Variants in TMTC1 observed in about 807,000 individuals in gnomAD.
TMTC1 encodes transmembrane O-mannosyltransferase targeting cadherins 1, also known as protein O-mannosyl-transferase TMTC1.
Under a neutral mutation model 104.8 loss-of-function variants are expected in TMTC1, and 73 were observed. The ratio of observed to expected loss-of-function variants is 0.70; its 90% CI spans 0.58 to 0.85. TMTC1 has a LOEUF of 0.85. Ranked by LOEUF, TMTC1 falls within the 40% of genes least tolerant of loss-of-function variation. TMTC1 has a pLI of 0.00. For synonymous variants in TMTC1, 434 were observed against 428.7 expected, an observed-to-expected ratio of 1.01 and a Z score of -0.15; for missense variants, 1,035 against 1,096.1, an observed-to-expected ratio of 0.94 and a Z score of 0.79.
intron 5 of TMTC1, among the ~76,000 whole-genome samples, chr12:29,643,955 TTATA>T (rs1401748390): frequency 5.3e-5 from 6 of 113,212 alleles, no homozygotes; most frequent in Non-Finnish European, 8.4e-5. Context: ...AAATATATAT[TTATA>T]TATACTTACA....
At chr12:29,727,580 G>A (rs1176442293) in intron 5 of TMTC1, among the ~76,000 whole-genome samples, 1 of 151,974 alleles carries the variant, frequency 6.6e-6, no homozygotes, top group Non-Finnish European at 1.5e-5. Context: ...TTTTCACTGT[G>A]TTAACCAGGA....
chr12:29,747,382 A>G (rs1167888381), intron 5 of TMTC1, among the ~76,000 whole-genome samples: 1 of 152,192 alleles, frequency 6.6e-6, no homozygotes, highest in Non-Finnish European at 1.5e-5. Context: ...TAGGCTTTTC[A>G]TTATACTTTC....
rs186441745 is a variant in TMTC1 at position 29,501,153 on chromosome 12, C to A, written c.*5693G>T. 3 of 152,276 alleles carry A rather than the reference C, an allele frequency of 2.0e-5. No homozygotes were observed. In the East Asian group the frequency reaches 5.8e-4, roughly 29 times the overall value. The allele number at this position is 152,276 out of a possible 1,614,324, so 9.4% of individuals were successfully genotyped here. On this transcript the variant is annotated 3_prime_UTR_variant, in exon 18 of 18. Transcript: ENST00000539277. Reference sequence around the variant, plus strand: ...CATGGCTTCTACAGATATTTTAATTCCTTGGGAGGAAGTTTCACCTCATCT... The same window carrying A: ...CATGGCTTCTACAGATATTTTAATTACTTGGGAGGAAGTTTCACCTCATCT...
chr12:29,512,112 T>G lies in TMTC1; in HGVS notation c.2439A>C (p.Arg813Ser). 6.2e-7 allele frequency: 1 copy of G among 1,610,772 alleles called. No individual in the cohort carries two copies. Among genetic ancestry groups the G allele is most frequent in the Non-Finnish European group, 8.5e-7 (1 of 1,178,820 alleles). ...GGTCTGGGTTTAGTTGCACAGCCAC[T>G]CTATAGCTCTAAATAAATAAGAAAT... Reference protein sequence around the residue: ...NLLDKAFESYRVAVQLNPDQA... With the variant: ...NLLDKAFESYSVAVQLNPDQA... The change falls in exon 17 of 18, where the codon AGA (arginine) becomes AGC (serine). Residue 813 changes from arginine to serine, a missense_variant. Coordinates refer to ENST00000539277, the MANE Select transcript of TMTC1 (RefSeq NM_001193451.2).
chr12:29,539,779 A>G (rs1421640842), intron 10 of TMTC1, among the ~76,000 whole-genome samples: 1 of 152,236 alleles, frequency 6.6e-6, no homozygotes, highest in South Asian at 2.1e-4. Context: ...AATCATGGAT[A>G]GACTCCAACC....
intron 9 of TMTC1, among the ~76,000 whole-genome samples, chr12:29,558,929 C>T (rs117916685): frequency 5.9e-5 from 9 of 152,312 alleles, no homozygotes; most frequent in Admixed American, 1.3e-4. Context: ...CTAAGAATTA[C>T]TTTGGAAGTG....
intron 6 of TMTC1, among the ~76,000 whole-genome samples, chr12:29,629,249 A>G (rs1346737343): frequency 6.6e-6 from 1 of 151,290 alleles, no homozygotes; most frequent in Admixed American, 6.6e-5. Context: ...TGAACCCGGG[A>G]GGTGGAGTTT....
chr12:29,646,571 T>A (rs960737658), intron 5 of TMTC1, among the ~76,000 whole-genome samples: 1 of 152,162 alleles, frequency 6.6e-6, no homozygotes, highest in African/African-American at 2.4e-5. Flanking sequence ...CCAGGTAAAA[T>A]TGCTACTGCC....
intron 6 of TMTC1, among the ~76,000 whole-genome samples, chr12:29,610,160 G>A (rs1169487845): frequency 5.9e-5 from 9 of 152,158 alleles, no homozygotes; most frequent in African/African-American, 9.7e-5. Context: ...ATTGACCAGC[G>A]AGTGAAAACA....
At chr12:29,644,195 AATTTATGGC>A (rs1488173636) in intron 5 of TMTC1, among the ~76,000 whole-genome samples, 1 of 144,390 alleles carries the variant, frequency 6.9e-6, no homozygotes, top group Non-Finnish European at 1.5e-5. Flanking sequence ...AAAAGGAATG[AATTTATGGC>A]ATTTGCAGTG....
intron 5 of TMTC1, among the ~76,000 whole-genome samples, chr12:29,714,774 A>C (rs1942031791): frequency 6.6e-6 from 1 of 152,186 alleles, no homozygotes; most frequent in Admixed American, 6.5e-5. Flanking sequence ...GCTGGGCATG[A>C]TATGTCCCTG....
intron 7 of TMTC1, among the ~76,000 whole-genome samples, chr12:29,598,415 T>A (rs1966531): frequency 0.1 from 15,356 of 152,200 alleles, 874 homozygotes; most frequent in Middle Eastern, 0.2. Context: ...CCATTTTGAA[T>A]TGAGAGGTAT....
chr12:29,514,455 T>C (rs1334950159), intron 16 of TMTC1, 27 bp downstream of exon 16: 4 of 1,590,054 alleles, frequency 2.5e-6, no homozygotes, highest in Non-Finnish European at 2.6e-6. Flanking sequence ...GTGAATTTGA[T>C]GATATAATTT....
intron 11 of TMTC1, among the ~76,000 whole-genome samples, chr12:29,523,178 T>G (rs1944231469): frequency 6.6e-6 from 1 of 152,160 alleles, no homozygotes; most frequent in Non-Finnish European, 1.5e-5. Context: ...CGAACACCAT[T>G]GTTAAAAGAA....
chr12:29,696,000 T>C (rs1463957475), intron 5 of TMTC1, among the ~76,000 whole-genome samples: 1 of 151,920 alleles, frequency 6.6e-6, no homozygotes, highest in Non-Finnish European at 1.5e-5. Flanking sequence ...ATTTTTCTCT[T>C]GATGGATGGC....
At chr12:29,733,625 T>A (rs572715100) in intron 5 of TMTC1, among the ~76,000 whole-genome samples, 2 of 152,202 alleles carry the variant, frequency 1.3e-5, no homozygotes, top group Non-Finnish European at 2.9e-5. Flanking sequence ...CAGCTTTTGA[T>A]AAAAATTTCC....
intron 6 of TMTC1, among the ~76,000 whole-genome samples, chr12:29,613,526 G>A (rs896876245): frequency 2.0e-5 from 3 of 152,158 alleles, no homozygotes; most frequent in Admixed American, 6.6e-5. Flanking sequence ...CAGAATCCTA[G>A]GTCAAGAACT....
intron 6 of TMTC1, among the ~76,000 whole-genome samples, chr12:29,614,536 C>A (rs918796393): frequency 6.6e-6 from 1 of 152,192 alleles, no homozygotes; most frequent in Admixed American, 6.5e-5. Flanking sequence ...AGGATGGAAA[C>A]AAAGGTCCCT....
chr12:29,697,695 T>C (rs1941464912), intron 5 of TMTC1, among the ~76,000 whole-genome samples: 1 of 151,802 alleles, frequency 6.6e-6, no homozygotes, highest in Admixed American at 6.6e-5. Context: ...AGGGTCTGAG[T>C]GTGAAGGCAG....
Sources: allele counts gnomAD v4.1 joint callset (sites outside exome capture counted in the v4.1 genomes callset), GRCh38; gene constraint gnomAD v4.1.1; transcripts MANE v1.5; gene names NCBI Gene and HGNC (gene_info 2026-07-23, HGNC 2026-07-21).